The following PRDM16 variants were observed in gnomAD, a reference collection of about 807,000 sequenced individuals.
PRDM16 encodes the protein histone-lysine N-methyltransferase PRDM16.
A neutral mutation model predicts 110.6 loss-of-function variants in PRDM16; 23 were observed. That is an observed-to-expected ratio of 0.21 (90% CI 0.15 to 0.29). The LOEUF is 0.29. Ranked by LOEUF, PRDM16 falls within the 10% of genes least tolerant of loss-of-function variation. PRDM16 has a pLI of 1.00. For missense variants in PRDM16, 1,615 were observed against 1,794.3 expected (o/e 0.90, Z 1.81); for synonymous variants, 799 against 781.8 (o/e 1.02, Z -0.37).
chr1:3,181,204 AC>A (rs1644164792), intron 1 of PRDM16, among the ~76,000 whole-genome samples: 2 of 128,930 alleles, frequency 1.6e-5, no homozygotes, highest in Non-Finnish European at 3.2e-5. Context: ...GGTCTTACAC[AC>A]GGTCTTACAC....
chr1:3,406,615 G>A (rs1022615744), intron 8 of PRDM16, among the ~76,000 whole-genome samples: 2 of 152,058 alleles, frequency 1.3e-5, no homozygotes, highest in Admixed American at 1.3e-4. Flanking sequence ...GGTAGTGTGT[G>A]CCTGTGGTCC....
chr1:3,294,576 T>C (rs1641045236), intron 3 of PRDM16, among the ~76,000 whole-genome samples: 1 of 151,258 alleles, frequency 6.6e-6, no homozygotes, highest in African/African-American at 2.4e-5. Flanking sequence ...CCCTTCCTCC[T>C]CCCCCCAGGA....
rs760878369 is a variant in PRDM16 at position 3,412,319 on chromosome 1, T to C, written c.2122T>C (p.Phe708Leu). ...TGCCGAGAAGTACTTTGGCCCCGGC[T>C]TCATGGGGATGCAGGAGAAGAAGCT... is the stretch of plus-strand genomic sequence containing the variant. ...SIAEKYFGPGFMGMQEKKLGS... is the reference protein window; with the variant it reads ...SIAEKYFGPGLMGMQEKKLGS... The change falls in exon 9 of 17, where the codon TTC becomes CTC. Residue 708 changes from phenylalanine (F) to leucine (L), a missense_variant. Physicochemically the swap from Phe to Leu is conservative, Grantham distance 22 (BLOSUM62 0). Coordinates refer to ENST00000270722, the MANE Select transcript of PRDM16 (RefSeq NM_022114.4). 1.2e-6 allele frequency: 2 copies of C among 1,613,788 alleles called. No individual in the cohort carries two copies. The highest frequency in any genetic ancestry group is 2.2e-5 in the South Asian group (2 of 91,090).
At position 3,355,101 on chromosome 1, in the gene PRDM16, C is replaced by T. The variant is rs921967750; in HGVS notation, c.439-30051C>T. 3.9e-5 allele frequency among the ~76,000 whole-genome samples: 6 copies of T among 152,186 alleles called. 1 individual carries two copies. Among genetic ancestry groups the T allele is most frequent in the South Asian group, 2.1e-4 (1 of 4,804 alleles). On this transcript the variant is annotated intron_variant, in intron 3 of 16. Coordinates refer to ENST00000270722, the MANE Select transcript of PRDM16 (RefSeq NM_022114.4). Reference sequence around the variant, plus strand: ...CCTCCCGCACCGATACCAGGCCTCTCGCCTTGAGACCAGGCCTCATAGTGC... The same window carrying T: ...CCTCCCGCACCGATACCAGGCCTCTTGCCTTGAGACCAGGCCTCATAGTGC...
rs552204871 is a variant in PRDM16, at chr1:3,186,466, G to A, written c.379G>A (p.Gly127Arg). 22 of 1,527,740 alleles carry A rather than the reference G, an allele frequency of 1.4e-5. No homozygotes were observed. The highest frequency in any genetic ancestry group is 8.3e-5 in the African/African-American group (6 of 72,104). The allele number at this position is 1,527,740 out of a possible 1,614,324, so 94.6% of individuals were successfully genotyped here. A position where few individuals can be genotyped will look rare whatever the true frequency, so the allele number is the denominator to read the frequency against. The change falls in exon 2 of 17, where the codon GGA (glycine) becomes AGA (arginine). Residue 127 changes from glycine (G) to arginine (R), a missense_variant. By Grantham distance (125) the Gly-to-Arg change is moderately radical. Transcript: ENST00000270722. The part of the protein sequence containing the change: ...PRAAAKETDF[G>R]WEQILTDVEV... ...GGCGGCGGCAAAGGAGACAGACTTCGGATGGGAGGTGAGCGATCGCGCCTG... is the reference window on the plus strand; with the variant it reads ...GGCGGCGGCAAAGGAGACAGACTTCAGATGGGAGGTGAGCGATCGCGCCTG...
intron 3 of PRDM16, among the ~76,000 whole-genome samples, chr1:3,349,304 G>A (rs550584782): frequency 3.0e-4 from 46 of 152,290 alleles, no homozygotes; most frequent in African/African-American, 8.4e-4. Flanking sequence ...GGACGGGGCC[G>A]CACCGGCACG....
chr1:3,404,549 C>T (rs969736054), intron 6 of PRDM16, among the ~76,000 whole-genome samples, 190 bp from the exon 7 acceptor site: 15 of 152,182 alleles, frequency 9.9e-5, no homozygotes, highest in Non-Finnish European at 1.6e-4. Flanking sequence ...AGGGGAAGGC[C>T]GCCTCTGCCC....
intron 1 of PRDM16, among the ~76,000 whole-genome samples, chr1:3,167,327 G>T (rs1222721272): frequency 6.6e-6 from 1 of 152,162 alleles, no homozygotes; most frequent in Non-Finnish European, 1.5e-5. Context: ...TCCGTCATCC[G>T]CAGAACTCAA....
At position 3,434,334 on chromosome 1, in the gene PRDM16, C is replaced by T. The variant is rs976851070; in HGVS notation, c.*523C>T. On this transcript the variant is annotated 3_prime_UTR_variant, in exon 17 of 17. Coordinates refer to ENST00000270722, the MANE Select transcript of PRDM16 (RefSeq NM_022114.4). ...GTATTTTTTAAAAATCAAAAAATGA[C>T]TTGCAAATTGTTTTTTAAAAGTAAT... 1 of 232,616 alleles carries T rather than the reference C, an allele frequency of 4.3e-6. No individual in the cohort carries two copies. The highest frequency in any genetic ancestry group is 8.5e-6 in the Non-Finnish European group (1 of 117,832). The allele number at this position is 232,616 out of a possible 1,614,324, so 14.4% of individuals were successfully genotyped here. A position where few individuals can be genotyped will look rare whatever the true frequency, so the allele number is the denominator to read the frequency against.
At chr1:3,122,022 G>A (rs942592793) in intron 1 of PRDM16, among the ~76,000 whole-genome samples, 15 of 152,346 alleles carry the variant, frequency 9.8e-5, no homozygotes, top group African/African-American at 3.1e-4. Context: ...TCTATGAAAC[G>A]CGCACCCGGC....
intron 3 of PRDM16, among the ~76,000 whole-genome samples, chr1:3,378,096 G>GGC (rs1359936729): frequency 6.6e-6 from 1 of 152,216 alleles, no homozygotes; most frequent in African/African-American, 2.4e-5. Context: ...CATCGCCTTT[G>GGC]GCACAGATCC....
intron 3 of PRDM16, among the ~76,000 whole-genome samples, chr1:3,340,254 A>G (rs1262923776): frequency 6.6e-6 from 1 of 151,442 alleles, no homozygotes; most frequent in Non-Finnish European, 1.5e-5. Flanking sequence ...CCCCAAGCAG[A>G]CCCCACGAGC....
intron 1 of PRDM16, 147 bp from the exon 2 acceptor site, chr1:3,185,978 G>T: frequency 1.5e-6 from 1 of 651,524 alleles, no homozygotes; most frequent in Non-Finnish European, 2.7e-6. Context: ...TGGAGGCAGC[G>T]TCTCCCGGGC....
intron 2 of PRDM16, among the ~76,000 whole-genome samples, chr1:3,232,435 C>CAGAGCT (rs2100888829): frequency 6.6e-6 from 1 of 152,292 alleles, no homozygotes; most frequent in South Asian, 2.1e-4. Flanking sequence ...ACACCTTTGG[C>CAGAGCT]AGAGCTAGCA....
intron 3 of PRDM16, among the ~76,000 whole-genome samples, chr1:3,310,818 G>T (rs1557598203): frequency 6.6e-6 from 1 of 152,178 alleles, no homozygotes; most frequent in Non-Finnish European, 1.5e-5. Flanking sequence ...GTATGTGCAT[G>T]TGTGTGCTGG....
chr1:3,183,181 G>A (rs1644230674), intron 1 of PRDM16, among the ~76,000 whole-genome samples: 1 of 152,220 alleles, frequency 6.6e-6, no homozygotes, highest in African/African-American at 2.4e-5. Context: ...AGGCCTGGGT[G>A]GTAGGCCAGT....
At chr1:3,429,465 G>T (rs1233116071) in intron 14 of PRDM16, among the ~76,000 whole-genome samples, 1 of 152,258 alleles carries the variant, frequency 6.6e-6, no homozygotes, top group East Asian at 1.9e-4. Flanking sequence ...AGATCTCACA[G>T]CACATGCCCA....
At chr1:3,274,098 G>A (rs1310852941) in intron 3 of PRDM16, among the ~76,000 whole-genome samples, 1 of 151,322 alleles carries the variant, frequency 6.6e-6, no homozygotes, top group Non-Finnish European at 1.5e-5. Flanking sequence ...CCCTAAGAAA[G>A]AAGGGAGGAA....
chr1:3,233,990 C>T (rs1421725700), intron 2 of PRDM16, among the ~76,000 whole-genome samples: 1 of 151,956 alleles, frequency 6.6e-6, no homozygotes, highest in African/African-American at 2.4e-5. Flanking sequence ...GGGCACAGGG[C>T]CCACTGCTCC....
Sources: allele counts gnomAD v4.1 joint callset (sites outside exome capture counted in the v4.1 genomes callset), GRCh38; gene constraint gnomAD v4.1.1; transcripts MANE v1.5; gene names NCBI Gene and HGNC (gene_info 2026-07-23, HGNC 2026-07-21).